The following XKR9 variants were observed in gnomAD, a reference collection of about 807,000 sequenced individuals.
XKR9 encodes XK related 9, also known as XK-related protein 9.
Under a neutral mutation model 32.0 loss-of-function variants are expected in XKR9, and 32 were observed. The observed-to-expected ratio is 1.00, with a 90% CI of 0.76 to 1.34. XKR9 has a LOEUF of 1.34. Among genes scored for constraint, XKR9 ranks in the 40% most tolerant of loss-of-function variants. The probability of loss-of-function intolerance (pLI) is 0.00; values close to 1 mark genes in which losing one functional copy is unlikely to be tolerated. For synonymous variants in XKR9, 168 were observed against 143.4 expected (o/e 1.17, Z -1.22); for missense variants, 546 against 429.7 (o/e 1.27, Z -2.39).
chr8:70,912,950 T>A, the XKR9 span, among the ~76,000 whole-genome samples: 220 of 152,288 alleles, frequency 1.4e-3, no homozygotes, highest in Admixed American at 4.1e-3. Flanking sequence ...TAACCTTTCC[T>A]GGACTACTCA....
the XKR9 span, among the ~76,000 whole-genome samples, chr8:71,062,182 G>A: frequency 6.6e-6 from 1 of 152,188 alleles, no homozygotes; most frequent in Non-Finnish European, 1.5e-5. Flanking sequence ...CAGGATGCCT[G>A]CAAATGTAGC....
At chr8:70,772,404 A>G (rs1261676378) in intron 2 of XKR9, among the ~76,000 whole-genome samples, 1 of 152,168 alleles carries the variant, frequency 6.6e-6, no homozygotes, top group African/African-American at 2.4e-5. Context: ...TTGAATTTCC[A>G]TTTGTGTTGA....
At chr8:70,782,773 G>C (rs974435419) in intron 2 of XKR9, among the ~76,000 whole-genome samples, 1 of 152,054 alleles carries the variant, frequency 6.6e-6, no homozygotes, top group African/African-American at 2.4e-5. Context: ...TTAAAAGACT[G>C]AATAGTATCC....
the XKR9 span, among the ~76,000 whole-genome samples, chr8:70,907,035 C>T: frequency 1.3e-5 from 2 of 152,130 alleles, no homozygotes; most frequent in African/African-American, 4.8e-5. Context: ...AACACCTTTC[C>T]TGTCTCCATC....
chr8:70,837,493 G>A, the XKR9 span, among the ~76,000 whole-genome samples: 22 of 152,174 alleles, frequency 1.4e-4, no homozygotes, highest in African/African-American at 5.3e-4. Context: ...CAGAGTACAT[G>A]GAAACATTTT....
intron 2 of XKR9, among the ~76,000 whole-genome samples, chr8:70,741,026 A>C (rs1418420495): frequency 6.6e-6 from 1 of 152,234 alleles, no homozygotes; most frequent in East Asian, 1.9e-4. Flanking sequence ...TGAAGTCTGC[A>C]GAGGTTACTG....
At chr8:70,899,775 A>G in the XKR9 span, among the ~76,000 whole-genome samples, 1 of 152,086 alleles carries the variant, frequency 6.6e-6, no homozygotes, top group Admixed American at 6.6e-5. Flanking sequence ...AGCACATACA[A>G]ATTTGCTTTA....
chr8:70,926,069 T>A, the XKR9 span, among the ~76,000 whole-genome samples: 3 of 152,178 alleles, frequency 2.0e-5, no homozygotes, highest in Non-Finnish European at 4.4e-5. Context: ...TTATAACCAA[T>A]TTCTTTTTTC....
the XKR9 span, among the ~76,000 whole-genome samples, chr8:70,828,505 C>T: frequency 6.6e-6 from 1 of 151,820 alleles, no homozygotes; most frequent in East Asian, 1.9e-4. Context: ...GCGGGCGGAT[C>T]ACGAGGTCAG....
the XKR9 span, among the ~76,000 whole-genome samples, chr8:70,922,655 T>C: frequency 6.6e-6 from 1 of 152,252 alleles, no homozygotes; most frequent in East Asian, 1.9e-4. Flanking sequence ...AGAGAAATTA[T>C]GTGCAGTCTG....
chr8:70,832,069 G>A, the XKR9 span, among the ~76,000 whole-genome samples: 2 of 152,036 alleles, frequency 1.3e-5, no homozygotes, highest in African/African-American at 4.8e-5. Flanking sequence ...CTTTTAAGAG[G>A]TTTACTTTAG....
chr8:70,920,604 G>A, the XKR9 span, among the ~76,000 whole-genome samples: 1 of 152,026 alleles, frequency 6.6e-6, no homozygotes, highest in Admixed American at 6.6e-5. Flanking sequence ...TGAGCCATTT[G>A]ATTTTAAGCA....
chr8:70,879,334 C>G, the XKR9 span, among the ~76,000 whole-genome samples: 1 of 151,598 alleles, frequency 6.6e-6, no homozygotes, highest in Non-Finnish European at 1.5e-5. Context: ...GATAGAGACA[C>G]AAAAATCCCT....
At chr8:71,014,804 C>T in the XKR9 span, among the ~76,000 whole-genome samples, 2 of 152,152 alleles carry the variant, frequency 1.3e-5, no homozygotes, top group Non-Finnish European at 2.9e-5. Flanking sequence ...AGTTAGTCTA[C>T]TTATAATGTA....
intron 2 of XKR9, among the ~76,000 whole-genome samples, chr8:70,772,607 A>G (rs1586892377): frequency 6.6e-6 from 1 of 152,192 alleles, no homozygotes; most frequent in Non-Finnish European, 1.5e-5. Flanking sequence ...AATACTGTGT[A>G]AGGTTTCATT....
At chr8:71,061,137 T>G in the XKR9 span, among the ~76,000 whole-genome samples, 1 of 152,190 alleles carries the variant, frequency 6.6e-6, no homozygotes, top group African/African-American at 2.4e-5. Context: ...CATGGTTATC[T>G]TATTCAAGGT....
intron 4 of XKR9, among the ~76,000 whole-genome samples, chr8:70,727,744 G>A (rs1334619874): frequency 6.6e-6 from 1 of 152,002 alleles, no homozygotes; most frequent in Non-Finnish European, 1.5e-5. Flanking sequence ...GGGGAAGCCC[G>A]TGAGCTGGGA....
chr8:70,740,587 C>G (rs1412914466), downstream of XKR9, among the ~76,000 whole-genome samples: 1 of 151,420 alleles, frequency 6.6e-6, no homozygotes, highest in Non-Finnish European at 1.5e-5. Flanking sequence ...TTTTCCCCAT[C>G]TTTGTGGTTT....
At chr8:70,900,529 C>A in the XKR9 span, among the ~76,000 whole-genome samples, 4 of 151,860 alleles carry the variant, frequency 2.6e-5, no homozygotes, top group South Asian at 2.1e-4. Flanking sequence ...ACAGAGATTG[C>A]AGTGAGCCGA....
Sources: allele counts gnomAD v4.1 joint callset (sites outside exome capture counted in the v4.1 genomes callset), GRCh38; gene constraint gnomAD v4.1.1; transcripts MANE v1.5; gene names NCBI Gene and HGNC (gene_info 2026-07-23, HGNC 2026-07-21).